The following CCSER1 variants were observed in gnomAD, a reference collection of about 807,000 sequenced individuals.
CCSER1 encodes coiled-coil serine rich protein 1, also known as serine-rich coiled-coil domain-containing protein 1.
A neutral mutation model predicts 82.0 loss-of-function variants in CCSER1; 41 were observed. That is an observed-to-expected ratio of 0.50 (90% CI 0.39 to 0.65). The LOEUF (loss-of-function observed/expected upper bound fraction) is 0.65. Ranked by LOEUF, CCSER1 falls within the 30% of genes least tolerant of loss-of-function variation. CCSER1 has a pLI of 0.00. For missense variants in CCSER1, 1,119 were observed against 1,064.2 expected (o/e 1.05, Z -0.72); for synonymous variants, 414 against 383.9 (o/e 1.08, Z -0.92).
At chr4:90,596,537 G>A (rs546063027) in intron 5 of CCSER1, among the ~76,000 whole-genome samples, 8 of 151,582 alleles carry the variant, frequency 5.3e-5, no homozygotes, top group African/African-American at 1.7e-4. Context: ...TTTTTTTCTA[G>A]GACAATTTAA....
intron 10 of CCSER1, among the ~76,000 whole-genome samples, chr4:91,220,106 G>A (rs1737617063): frequency 6.6e-6 from 1 of 152,184 alleles, no homozygotes; most frequent in Non-Finnish European, 1.5e-5. Context: ...AGGGTTTAAT[G>A]AAACTGTTGA....
At chr4:90,401,184 A>G (rs1177007555) in intron 4 of CCSER1, among the ~76,000 whole-genome samples, 2 of 152,192 alleles carry the variant, frequency 1.3e-5, no homozygotes, top group Non-Finnish European at 2.9e-5. Context: ...TTTTCGGTTG[A>G]ATACCACTTT....
At chr4:90,390,535 C>G (rs570936934) in intron 3 of CCSER1, among the ~76,000 whole-genome samples, 1 of 152,124 alleles carries the variant, frequency 6.6e-6, no homozygotes, top group East Asian at 1.9e-4. Context: ...TTAGGATATG[C>G]TATATTTGGT....
intron 6 of CCSER1, among the ~76,000 whole-genome samples, chr4:90,708,739 T>A (rs1245061883): frequency 6.6e-6 from 1 of 152,174 alleles, no homozygotes; most frequent in Non-Finnish European, 1.5e-5. Flanking sequence ...TTATATTTAG[T>A]ATTTTAATCC....
chr4:90,397,208 T>C (rs1235768818), intron 3 of CCSER1, among the ~76,000 whole-genome samples: 1 of 152,168 alleles, frequency 6.6e-6, no homozygotes, highest in African/African-American at 2.4e-5. Flanking sequence ...TCTAGACCAG[T>C]GGCAAATGGA....
chr4:91,004,733 T>G (rs1738351428), intron 9 of CCSER1, among the ~76,000 whole-genome samples: 1 of 152,224 alleles, frequency 6.6e-6, no homozygotes, highest in African/African-American at 2.4e-5. Context: ...AAAGCTTCTC[T>G]AATATTTCTC....
At chr4:90,488,439 C>T (rs1414045884) in intron 5 of CCSER1, among the ~76,000 whole-genome samples, 3 of 152,134 alleles carry the variant, frequency 2.0e-5, no homozygotes, top group South Asian at 2.1e-4. Context: ...CCGCCCCACT[C>T]GGCCTCCCAA....
chr4:90,856,998 A>G (rs951896224), intron 8 of CCSER1, among the ~76,000 whole-genome samples: 15 of 151,704 alleles, frequency 9.9e-5, no homozygotes, highest in Non-Finnish European at 2.1e-4. Context: ...CCTTAAAACT[A>G]CCATGATAGG....
chr4:90,312,665 A>G (rs1049495615), intron 2 of CCSER1, among the ~76,000 whole-genome samples, 198 bp from the exon 3 acceptor site: 1 of 152,188 alleles, frequency 6.6e-6, no homozygotes, highest in Non-Finnish European at 1.5e-5. Flanking sequence ...GAAGCAACAA[A>G]GGATGACTCC....
At chr4:91,296,680 A>G (rs1348189399) in intron 10 of CCSER1, among the ~76,000 whole-genome samples, 1 of 150,248 alleles carries the variant, frequency 6.7e-6, no homozygotes, top group East Asian at 2.0e-4. Flanking sequence ...CTTCCCAAAT[A>G]GTATCATCTC....
chr4:90,247,005 C>T (rs1721524149), intron 1 of CCSER1, among the ~76,000 whole-genome samples: 2 of 152,132 alleles, frequency 1.3e-5, no homozygotes, highest in Middle Eastern at 3.4e-3. Flanking sequence ...TGAACACAAG[C>T]ACAGTTGATA....
chr4:90,466,115 G>A (rs1209405113), intron 4 of CCSER1, among the ~76,000 whole-genome samples: 1 of 152,210 alleles, frequency 6.6e-6, no homozygotes, highest in Non-Finnish European at 1.5e-5. Context: ...TCACTGCTGT[G>A]ATTATCAGTT....
rs1450506875 is a variant in CCSER1 at position 91,496,585 on chromosome 4, TACACGAATATATATTTGA to T, written c.2218-101985_2218-101968del. 3.9e-3 allele frequency among the ~76,000 whole-genome samples: 150 copies of T among 38,370 alleles called. 10 individuals are homozygous for T. The highest frequency in any genetic ancestry group is 6.2e-3 in the Non-Finnish European group (103 of 16,692). 25.2% of individuals were successfully genotyped at this position (38,370 alleles called of 152,430 possible). On this transcript the variant is annotated intron_variant, in intron 10 of 10. Transcript: ENST00000509176. ...TCTTGTATATATATATATATATATA[TACACGAATATATATTTGA>T]ATATATATATACACGAATATATATT...
chr4:90,825,825 G>A (rs1760359565), intron 8 of CCSER1, among the ~76,000 whole-genome samples: 1 of 150,674 alleles, frequency 6.6e-6, no homozygotes, highest in African/African-American at 2.4e-5. Flanking sequence ...CACTTCCCAG[G>A]TTCAAGCGAT....
chr4:90,583,455 C>T (rs1029790678), intron 5 of CCSER1, among the ~76,000 whole-genome samples: 20 of 152,066 alleles, frequency 1.3e-4, no homozygotes, highest in Non-Finnish European at 7.4e-5. Context: ...CATGAGCCAC[C>T]GCGCCTGGCT....
chr4:91,394,250 A>T (rs1205431630), intron 10 of CCSER1, among the ~76,000 whole-genome samples: 8 of 152,152 alleles, frequency 5.3e-5, no homozygotes, highest in Non-Finnish European at 8.8e-5. Context: ...GTAGTAAAAA[A>T]TTAAATATTA....
rs1335745500 is a variant in CCSER1, at chr4:90,932,974, GAAAGAA to G, written c.2172+9529_2172+9534del. ...AGAAAGAAAGAAAGAAAGAAAGAAA[GAAAGAA>G]AGAGAAAGAAAGAAAGAAAGAAAGA... On this transcript the variant is annotated intron_variant, in intron 9 of 10. Transcript: ENST00000509176. Among the ~76,000 whole-genome samples, 88 of 30,494 alleles carry G rather than the reference GAAAGAA, an allele frequency of 2.9e-3. 21 individuals carry two copies. The highest frequency in any genetic ancestry group is 4.7e-3 in the African/African-American group (18 of 3,822). 20.0% of individuals were successfully genotyped at this position (30,494 alleles called of 152,430 possible).
At chr4:90,623,447 CAA>C (rs1196241755) in intron 5 of CCSER1, among the ~76,000 whole-genome samples, 3 of 152,104 alleles carry the variant, frequency 2.0e-5, no homozygotes, top group African/African-American at 7.2e-5. Flanking sequence ...GTTTGGAACT[CAA>C]AGAGCAAAGA....
intron 3 of CCSER1, among the ~76,000 whole-genome samples, chr4:90,393,844 T>C (rs1751566954): frequency 7.0e-6 from 1 of 143,848 alleles, no homozygotes; most frequent in African/African-American, 2.6e-5. Flanking sequence ...TGTGGCACAG[T>C]CATGACTCAC....
Sources: allele counts gnomAD v4.1 joint callset (sites outside exome capture counted in the v4.1 genomes callset), GRCh38; gene constraint gnomAD v4.1.1; transcripts MANE v1.5; gene names NCBI Gene and HGNC (gene_info 2026-07-23, HGNC 2026-07-21).